DOK7: variants seen among roughly 807,000 people sequenced by gnomAD.
The protein encoded by DOK7 is docking protein 7.
In DOK7, 32 loss-of-function variants were observed where a neutral mutation model predicts 30.7. The ratio of observed to expected loss-of-function variants is 1.04; its 90% CI spans 0.79 to 1.40. DOK7 has a LOEUF of 1.40. DOK7 is among the 40% of genes most tolerant of loss of function. The pLI, the probability that DOK7 is intolerant of heterozygous loss-of-function variation, is 0.00. For synonymous variants in DOK7, 447 were observed against 324.1 expected (o/e 1.38, Z -4.07); for missense variants, 1,007 against 699.2 (o/e 1.44, Z -4.97).
intron 5 of DOK7, among the ~76,000 whole-genome samples, chr4:3,486,604 G>A (rs1727810108): frequency 6.6e-6 from 1 of 152,214 alleles, no homozygotes. Flanking sequence ...TGGGAGTGGG[G>A]AGGTGGCACC....
At chr4:3,463,973 C>T (rs7664368) in intron 2 of DOK7, among the ~76,000 whole-genome samples, 1 of 151,980 alleles carries the variant, frequency 6.6e-6, no homozygotes, top group Non-Finnish European at 1.5e-5. Flanking sequence ...CCCAGGCAGA[C>T]GAGAGGCTGG....
chr4:3,478,878 C>T (rs924554644), intron 4 of DOK7, among the ~76,000 whole-genome samples: 29 of 152,248 alleles, frequency 1.9e-4, no homozygotes, highest in Non-Finnish European at 3.4e-4. Context: ...GTGTTCTCAA[C>T]GCAGCACTGA....
intron 4 of DOK7, among the ~76,000 whole-genome samples, chr4:3,482,851 C>T (rs1027331061): frequency 5.9e-5 from 9 of 152,194 alleles, no homozygotes; most frequent in South Asian, 2.1e-4. Flanking sequence ...AGACCACAGA[C>T]GGCTTGTGCT....
intron 2 of DOK7, among the ~76,000 whole-genome samples, chr4:3,469,202 T>TGTGTGTGCCTCTGTGTGAGTGTGC (rs1726598871): frequency 1.3e-5 from 2 of 151,636 alleles, no homozygotes; most frequent in South Asian, 4.2e-4. Flanking sequence ...CATGTATGAG[T>TGTGTGTGCCTCTGTGTGAGTGTGC]GTGTGTGCCT....
At chr4:3,489,837 A>C in intron 6 of DOK7, 41 bp downstream of exon 6, 1 of 1,556,102 alleles carries the variant, frequency 6.4e-7, no homozygotes, top group Non-Finnish European at 8.7e-7. Context: ...ACCTCGGCTA[A>C]GCCTCCAGCA....
chr4:3,489,758 T>G lies in DOK7; in HGVS notation c.734T>G (p.Leu245Arg). 1 of 1,572,372 alleles carries G rather than the reference T, an allele frequency of 6.4e-7. No individual in the cohort carries two copies. The change falls in exon 6 of 7, where the codon CTG becomes CGG. Residue 245 changes from leucine (L) to arginine (R), a missense_variant. Coordinates refer to ENST00000340083, the MANE Select transcript of DOK7 (RefSeq NM_173660.5). ...ALETLQLEKR[L>R]SLLSHAGRPG... ...GAAACCCTACAGCTGGAGAAGCGGC[T>G]GAGCCTCCTCTCACATGCGGGCAGG...
chr4:3,471,021 C>G (rs985170843), intron 2 of DOK7, among the ~76,000 whole-genome samples: 1 of 152,222 alleles, frequency 6.6e-6, no homozygotes, highest in Non-Finnish European at 1.5e-5. Flanking sequence ...CACCAAGGCT[C>G]CGAGGAAGCT....
At chr4:3,486,778 G>GGT (rs1404343253) in intron 5 of DOK7, among the ~76,000 whole-genome samples, 1 of 151,928 alleles carries the variant, frequency 6.6e-6, no homozygotes, top group Non-Finnish European at 1.5e-5. Flanking sequence ...AGGTGTGGAT[G>GGT]GTGTGGTCAG....
chr4:3,468,213 TGC>T (rs1184942865), intron 2 of DOK7, among the ~76,000 whole-genome samples: 2 of 147,490 alleles, frequency 1.4e-5, no homozygotes, highest in African/African-American at 2.5e-5. Flanking sequence ...TGTGTGTGTG[TGC>T]ATGTGAATAC....
At chr4:3,468,657 AGT>A (rs535246339) in intron 2 of DOK7, among the ~76,000 whole-genome samples, 17 of 96,948 alleles carry the variant, frequency 1.8e-4, no homozygotes, top group Admixed American at 3.0e-4. Context: ...TGCATGTATG[AGT>A]GTGTGTGCCT....
intron 4 of DOK7, among the ~76,000 whole-genome samples, chr4:3,479,573 C>T (rs1285538610): frequency 6.6e-6 from 1 of 152,230 alleles, no homozygotes; most frequent in Non-Finnish European, 1.5e-5. Flanking sequence ...TAGCCTGGCC[C>T]CCGATCCCCA....
At chr4:3,488,085 C>T (rs28595104) in intron 5 of DOK7, among the ~76,000 whole-genome samples, 21,654 of 152,316 alleles carry the variant, frequency 0.14, 1,657 homozygotes, top group African/African-American at 0.17. Context: ...TCGCCTTCCA[C>T]CCTCCCAGGC....
At chr4:3,490,842 CTTCCTTCCCCCCCA>C in intron 6 of DOK7, among the ~76,000 whole-genome samples, 1 of 83,160 alleles carries the variant, frequency 1.2e-5, no homozygotes, top group African/African-American at 6.0e-5. Flanking sequence ...CCATTCATTC[CTTCCTTCCCCCCCA>C]CTCATTTCAT....
downstream of DOK7, among the ~76,000 whole-genome samples, chr4:3,496,631 T>C (rs933448517): frequency 2.0e-5 from 3 of 151,850 alleles, no homozygotes; most frequent in Non-Finnish European, 2.9e-5. Flanking sequence ...CCCGGAGATC[T>C]GGGGGCTGTG....
Position 3,473,441 on chromosome 4 carries a change from G to A in DOK7, c.136G>A (p.Glu46Lys). The A allele has an allele frequency of 6.2e-7, 1 of 1,611,080 alleles. No individual in the cohort carries two copies. The highest frequency in any genetic ancestry group is 8.5e-7 in the Non-Finnish European group (1 of 1,179,832). The change falls in exon 3 of 7, where the codon GAG becomes AAG. Residue 46 changes from glutamate to lysine, a missense_variant. Coordinates refer to ENST00000340083, the MANE Select transcript of DOK7 (RefSeq NM_173660.5). ...LLMLVYKDKS[E>K]RIKGLRERSS... ...GATGCTGGTCTACAAGGACAAGTCG[G>A]AGCGTATCAAGGGCCTGCGGGAGCG... is the stretch of plus-strand genomic sequence containing the variant.
chr4:3,488,633 G>C (rs1477722274), intron 5 of DOK7, among the ~76,000 whole-genome samples: 1 of 152,226 alleles, frequency 6.6e-6, no homozygotes, highest in East Asian at 1.9e-4. Flanking sequence ...TTTTCATGCT[G>C]CCACTGCTCC....
intron 6 of DOK7, among the ~76,000 whole-genome samples, chr4:3,492,270 G>T (rs1207558981): frequency 1.3e-5 from 2 of 152,052 alleles, no homozygotes; most frequent in Non-Finnish European, 2.9e-5. Context: ...GGGGCGAGTC[G>T]AGGTGTGTGG....
At chr4:3,486,217 C>T (rs552287765) in intron 5 of DOK7, among the ~76,000 whole-genome samples, 5 of 152,226 alleles carry the variant, frequency 3.3e-5, no homozygotes, top group Non-Finnish European at 7.3e-5. Context: ...GCGGCACTCT[C>T]TGCAGGAGTC....
At position 3,493,075 on chromosome 4, in the gene DOK7, G is replaced by T; in HGVS notation, c.1089G>T (p.Trp363Cys). 1 of 1,575,496 alleles carries T rather than the reference G, an allele frequency of 6.3e-7. No individual in the cohort carries two copies. Among genetic ancestry groups the T allele is most frequent in the Non-Finnish European group, 8.6e-7 (1 of 1,165,162 alleles). ...ACGCGGGCAGCAGCCTGGACGTGTG[G>T]CGGGCCACAGATGAACTGGGCTCAC... is the stretch of plus-strand genomic sequence containing the variant. Reference protein sequence around the residue: ...SSYAGSSLDVWRATDELGSLL... With the variant: ...SSYAGSSLDVCRATDELGSLL... The change falls in exon 7 of 7, where the codon TGG becomes TGT. Residue 363 changes from tryptophan to cysteine, a missense_variant. By Grantham distance (215) the Trp-to-Cys change is radical (BLOSUM62 -2). Transcript: ENST00000340083.
Sources: gnomAD v4.1 joint callset for allele counts (sites outside exome capture counted in the v4.1 genomes callset) on GRCh38, gnomAD v4.1.1 for gene constraint, MANE v1.5 for transcripts, NCBI Gene and HGNC (gene_info 2026-07-23, HGNC 2026-07-21) for gene names.